The following MTMR7 variants were observed in gnomAD, a reference collection of about 807,000 sequenced individuals.
MTMR7 encodes the protein phosphatidylinositol-3-phosphate phosphatase MTMR7.
MTMR7 carries 76 observed loss-of-function variants against 81.2 expected under a neutral mutation model. That is an observed-to-expected ratio of 0.94 (90% CI 0.78 to 1.13). MTMR7 has a LOEUF of 1.13. Ranked by LOEUF, MTMR7 falls within the 50% of genes most tolerant of loss-of-function variation. The probability of loss-of-function intolerance (pLI) is 0.00; values close to 1 mark genes in which losing one functional copy is unlikely to be tolerated. For synonymous variants in MTMR7, 372 were observed against 289.8 expected, an observed-to-expected ratio of 1.28 and a Z score of -2.88; for missense variants, 1,044 against 820.0, an observed-to-expected ratio of 1.27 and a Z score of -3.34.
intron 5 of MTMR7, among the ~76,000 whole-genome samples, chr8:17,345,603 G>C (rs1471628942): frequency 1.3e-5 from 2 of 152,174 alleles, no homozygotes; most frequent in East Asian, 1.9e-4. Context: ...TCACCACAGG[G>C]GTGAAAGAAT....
At chr8:17,321,518 A>G (rs1188613627) in intron 7 of MTMR7, among the ~76,000 whole-genome samples, 11 of 152,236 alleles carry the variant, frequency 7.2e-5, no homozygotes, top group Admixed American at 7.2e-4. Context: ...GCAGTGTGAA[A>G]AGCAAAGAGG....
chr8:17,305,780 G>T lies in MTMR7; in HGVS notation c.1329C>A (p.Ser443Arg). ...SCQFGNFLCN[S>R]QKERRELKIQ... ...ACTTGAGTTCTCGTCTCTCCTTTTG[G>T]CTGTTACATAGGAAGTTTCCAAACT... Residue 443 changes from serine (S) to arginine (R), a missense_variant, in exon 11 of 14, where the codon AGC becomes AGA. Physicochemically the swap from Ser to Arg is moderately radical, Grantham distance 110 (BLOSUM62 -1). Coordinates refer to ENST00000180173, the MANE Select transcript of MTMR7 (RefSeq NM_004686.5). The T allele has an allele frequency of 6.2e-7, 1 of 1,612,604 alleles. No individual in the cohort carries two copies. The highest frequency in any genetic ancestry group is 8.5e-7 in the Non-Finnish European group (1 of 1,178,900).
intron 1 of MTMR7, among the ~76,000 whole-genome samples, chr8:17,394,701 AGTT>A (rs1319744752): frequency 1.3e-5 from 2 of 152,210 alleles, no homozygotes; most frequent in Non-Finnish European, 2.9e-5. Flanking sequence ...TAAATATGTT[AGTT>A]TTTTAATTAT....
intron 4 of MTMR7, among the ~76,000 whole-genome samples, chr8:17,356,493 G>A (rs1819893755): frequency 6.6e-6 from 1 of 152,088 alleles, no homozygotes; most frequent in Admixed American, 6.6e-5. Flanking sequence ...GAGGTCAGGA[G>A]TTCAAGACCA....
At chr8:17,388,969 T>C (rs1370485426) in intron 1 of MTMR7, among the ~76,000 whole-genome samples, 1 of 152,168 alleles carries the variant, frequency 6.6e-6, no homozygotes, top group African/African-American at 2.4e-5. Flanking sequence ...TCATTCCCAC[T>C]CTGGGAAATG....
At chr8:17,368,426 G>C (rs1231447126) in intron 3 of MTMR7, among the ~76,000 whole-genome samples, 3 of 152,122 alleles carry the variant, frequency 2.0e-5, no homozygotes, top group African/African-American at 7.2e-5. Flanking sequence ...AATATCGAGA[G>C]AGCTACATTT....
chr8:17,321,492 C>T (rs1258342649), intron 7 of MTMR7, among the ~76,000 whole-genome samples: 1 of 152,130 alleles, frequency 6.6e-6, no homozygotes, highest in East Asian at 1.9e-4. Flanking sequence ...TGTTTTCTTC[C>T]CCTGTGTGCT....
intron 9 of MTMR7, among the ~76,000 whole-genome samples, chr8:17,309,709 G>GC (rs1421628725): frequency 2.0e-5 from 3 of 152,238 alleles, no homozygotes; most frequent in East Asian, 3.9e-4. Context: ...CTACTAGGAA[G>GC]GAGACCCCAC....
chr8:17,359,016 C>T (rs528790710), intron 4 of MTMR7, among the ~76,000 whole-genome samples: 1 of 152,102 alleles, frequency 6.6e-6, no homozygotes, highest in African/African-American at 2.4e-5. Flanking sequence ...GCCTCGACCT[C>T]CCAAGCAGCT....
chr8:17,389,399 T>C (rs971102722), intron 1 of MTMR7, among the ~76,000 whole-genome samples: 2 of 152,160 alleles, frequency 1.3e-5, no homozygotes, highest in African/African-American at 4.8e-5. Context: ...ACACTCACAC[T>C]AGAACTGTGG....
intron 1 of MTMR7, among the ~76,000 whole-genome samples, chr8:17,390,643 G>C (rs1821079015): frequency 6.6e-6 from 1 of 151,760 alleles, no homozygotes; most frequent in Admixed American, 6.6e-5. Flanking sequence ...AATTTATAAA[G>C]GAAAGAGGTT....
intron 1 of MTMR7, among the ~76,000 whole-genome samples, chr8:17,384,787 G>A (rs1246695793): frequency 1.3e-5 from 2 of 152,318 alleles, no homozygotes; most frequent in Admixed American, 1.3e-4. Context: ...CCTTTTGACA[G>A]AGAAATAAAG....
intron 6 of MTMR7, 70 bp downstream of exon 6, chr8:17,341,293 G>C: frequency 6.3e-7 from 1 of 1,585,858 alleles, no homozygotes. Flanking sequence ...GATGGCAGTC[G>C]GCTAGCCTTT....
chr8:17,358,876 A>C (rs1249587460), intron 4 of MTMR7, among the ~76,000 whole-genome samples: 3 of 152,134 alleles, frequency 2.0e-5, no homozygotes. Flanking sequence ...TGGCAAAAAA[A>C]AGTCTAAATA....
At chr8:17,302,342 A>C in intron 12 of MTMR7, 62 bp from the exon 13 acceptor site, 7 of 1,544,962 alleles carry the variant, frequency 4.5e-6, no homozygotes, top group Non-Finnish European at 6.1e-6. Flanking sequence ...TCACATCCTC[A>C]AGTCTTCTAA....
chr8:17,400,999 G>C (rs1340073298), intron 1 of MTMR7, among the ~76,000 whole-genome samples: 4 of 152,134 alleles, frequency 2.6e-5, no homozygotes, highest in African/African-American at 9.7e-5. Context: ...CACACGGTCT[G>C]TTATAGAACC....
chr8:17,326,547 C>T (rs1818689777), intron 7 of MTMR7: 1 of 152,192 alleles, frequency 6.6e-6, no homozygotes, highest in Non-Finnish European at 1.5e-5. Flanking sequence ...GGTTAAAATA[C>T]TGCTTTGTAA....
At chr8:17,363,061 A>G (rs1346990129) in intron 3 of MTMR7, among the ~76,000 whole-genome samples, 1 of 152,256 alleles carries the variant, frequency 6.6e-6, no homozygotes, top group African/African-American at 2.4e-5. Context: ...CTATTTGGAC[A>G]AATAACAAAA....
rs1554502595 is a variant in MTMR7 at position 17,297,790 on chromosome 8, A to AAAG, written c.*2069_*2071dup. The AAAG allele has an allele frequency of 1.3e-5, 2 of 152,024 alleles. No individual in the cohort carries two copies. The highest frequency in any genetic ancestry group is 2.9e-5 in the Non-Finnish European group (2 of 67,900). The allele number at this position is 152,024 out of a possible 1,614,324, so 9.4% of individuals were successfully genotyped here. A position where few individuals can be genotyped will look rare whatever the true frequency, so the allele number is the denominator to read the frequency against. ...TCTGAAGAATCTGTGAAAGTACAGT[A>AAAG]AAGTTTTAATAAGCAATAAATGTAA... On this transcript the variant is annotated 3_prime_UTR_variant, in exon 14 of 14. Transcript: ENST00000180173.
Sources: allele counts gnomAD v4.1 joint callset (sites outside exome capture counted in the v4.1 genomes callset), GRCh38; gene constraint gnomAD v4.1.1; transcripts MANE v1.5; gene names NCBI Gene and HGNC (gene_info 2026-07-23, HGNC 2026-07-21).